Variants in CCDC174 observed in about 807,000 individuals in gnomAD.
CCDC174 encodes coiled-coil domain-containing protein 174.
A neutral mutation model predicts 57.1 loss-of-function variants in CCDC174; 37 were observed. The observed-to-expected ratio is 0.65, with a 90% CI of 0.50 to 0.85. The LOEUF (loss-of-function observed/expected upper bound fraction) is 0.85. CCDC174 is among the 40% of genes least tolerant of loss of function. The pLI is 0.00. For synonymous variants in CCDC174, 182 were observed against 190.2 expected, an observed-to-expected ratio of 0.96 and a Z score of 0.35; for missense variants, 540 against 574.3, an observed-to-expected ratio of 0.94 and a Z score of 0.61.
chr3:14,659,049 T>C, intron 4 of CCDC174, 120 bp downstream of exon 4: 2 of 961,554 alleles, frequency 2.1e-6, no homozygotes, highest in Non-Finnish European at 2.9e-6. Context: ...AAATTTTACT[T>C]TCCATGGCTG....
intron 6 of CCDC174, among the ~76,000 whole-genome samples, chr3:14,666,459 C>G (rs1319242544): frequency 3.3e-5 from 5 of 151,980 alleles, no homozygotes; most frequent in African/African-American, 1.2e-4. Context: ...CCTGTCTCTA[C>G]TAAAAATACA....
At chr3:14,653,361 T>C (rs1307629686) in intron 1 of CCDC174, among the ~76,000 whole-genome samples, 1 of 152,258 alleles carries the variant, frequency 6.6e-6, no homozygotes, top group Admixed American at 6.5e-5. Context: ...TTTCATTTGT[T>C]TTTAAAAATT....
At chr3:14,655,740 T>C in intron 3 of CCDC174, 111 bp downstream of exon 3, 1 of 589,864 alleles carries the variant, frequency 1.7e-6, no homozygotes, top group Admixed American at 3.3e-5. Flanking sequence ...TTAACATCCT[T>C]CTAGCCCAAT....
At chr3:14,660,882 G>A (rs373452324) in intron 4 of CCDC174, among the ~76,000 whole-genome samples, 1 of 151,894 alleles carries the variant, frequency 6.6e-6, no homozygotes, top group African/African-American at 2.4e-5. Context: ...GTTAAATTAG[G>A]TAAGTCATGG....
Position 14,667,530 on chromosome 3 carries a change from T to C in CCDC174, c.819+12T>C. 6.3e-7 allele frequency: 1 copy of C among 1,599,674 alleles called. No homozygotes were observed. The highest frequency in any genetic ancestry group is 2.2e-5 in the East Asian group (1 of 44,776). On this transcript the variant is annotated intron_variant, in intron 8 of 10. Transcript: ENST00000383794. ...TGCTGCGTGAACAGGTACAGATAAA[T>C]CCCAAGTGACTGTGAGGAAAGATGT...
rs151220365 is a variant in CCDC174 at position 14,671,191 on chromosome 3, A to G, written c.1401A>G (p.Thr467=). Residue 467 remains threonine, a synonymous_variant, in exon 11 of 11, where the codon ACA becomes ACG. Coordinates refer to ENST00000383794, the MANE Select transcript of CCDC174 (RefSeq NM_016474.5). ...TGATTTCCTATTACAAACAAGTGAC[A>G]TGATCTTTCAAAGCACGCTGACTTG... ...DDMISYYKQV[T] The G allele has an allele frequency of 3.1e-6, 5 of 1,605,266 alleles. No individual in the cohort carries two copies. Among genetic ancestry groups the G allele is most frequent in the African/African-American group, 1.3e-5 (1 of 74,736 alleles).
At chr3:14,662,746 C>T (rs189896151) in intron 5 of CCDC174, among the ~76,000 whole-genome samples, 34 of 152,256 alleles carry the variant, frequency 2.2e-4, no homozygotes, top group Admixed American at 1.6e-3. Context: ...TTGTAGCAGG[C>T]GTTCATCTTT....
chr3:14,667,493 A>C lies in CCDC174; in HGVS notation c.794A>C (p.Lys265Thr). The change falls in exon 8 of 11, where the codon AAA becomes ACA. Residue 265 changes from lysine (K) to threonine (T), a missense_variant. Physicochemically the swap from Lys to Thr is moderately conservative, Grantham distance 78. Coordinates refer to ENST00000383794, the MANE Select transcript of CCDC174 (RefSeq NM_016474.5). ...AAAGAGTTGAGAAACAAGCAGATGA[A>C]AACCTTAGAGATGCTGCGTGAACAG... ...RDKELRNKQM[K>T]TLEMLREQTT... is the part of the protein sequence containing the mutation. 6.2e-7 allele frequency: 1 copy of C among 1,613,922 alleles called. No individual in the cohort carries two copies. Among genetic ancestry groups the C allele is most frequent in the Middle Eastern group, 1.6e-4 (1 of 6,062 alleles).
chr3:14,667,527 A>G lies in CCDC174; in HGVS notation c.819+9A>G, dbSNP rs775197153. On this transcript the variant is annotated intron_variant, in intron 8 of 10. Transcript: ENST00000383794. The stretch of plus-strand genomic sequence containing the variant: ...AGATGCTGCGTGAACAGGTACAGAT[A>G]AATCCCAAGTGACTGTGAGGAAAGA... The G allele has an allele frequency of 6.2e-7, 1 of 1,602,552 alleles. No homozygotes were observed. Among genetic ancestry groups the G allele is most frequent in the Non-Finnish European group, 8.5e-7 (1 of 1,169,684 alleles).
chr3:14,662,967 C>T (rs1559381639), intron 5 of CCDC174, among the ~76,000 whole-genome samples: 2 of 152,370 alleles, frequency 1.3e-5, no homozygotes, highest in Middle Eastern at 3.4e-3. Context: ...GAACAGGTGT[C>T]AGCCTGCAAG....
intron 7 of CCDC174, 171 bp downstream of exon 7, chr3:14,667,118 T>C (rs2031368656): frequency 1.5e-6 from 1 of 655,424 alleles, no homozygotes; most frequent in African/African-American, 1.8e-5. Flanking sequence ...ATACTCACAT[T>C]TGGGAATATC....
At chr3:14,658,006 A>G (rs2031017896) in intron 3 of CCDC174, among the ~76,000 whole-genome samples, 2 of 152,354 alleles carry the variant, frequency 1.3e-5, no homozygotes, top group South Asian at 2.1e-4. Flanking sequence ...AGAGCCCTCC[A>G]AAATAGGGGT....
At chr3:14,655,356 T>A (rs1285867648) in intron 2 of CCDC174, among the ~76,000 whole-genome samples, 173 bp from the exon 3 acceptor site, 1 of 151,922 alleles carries the variant, frequency 6.6e-6, no homozygotes, top group Non-Finnish European at 1.5e-5. Flanking sequence ...GCTCTTTTTT[T>A]AGCTCCTGCT....
At chr3:14,658,539 T>C (rs4684236) in intron 3 of CCDC174, among the ~76,000 whole-genome samples, 50,385 of 152,198 alleles carry the variant, frequency 0.33, 8,474 homozygotes, top group Admixed American at 0.39. Flanking sequence ...ATTAAGTTGT[T>C]GGATTCTTAA....
Sources: gnomAD v4.1 joint callset for allele counts (sites outside exome capture counted in the v4.1 genomes callset) on GRCh38, gnomAD v4.1.1 for gene constraint, MANE v1.5 for transcripts, NCBI Gene and HGNC (gene_info 2026-07-23, HGNC 2026-07-21) for gene names.